The following UNC5C variants were observed in gnomAD, a reference collection of about 807,000 sequenced individuals.
UNC5C encodes netrin receptor UNC5C.
UNC5C carries 47 observed loss-of-function variants against 99.8 expected under a neutral mutation model. The ratio of observed to expected loss-of-function variants is 0.47; its 90% CI spans 0.37 to 0.60. UNC5C has a LOEUF of 0.60. Among genes scored for constraint, UNC5C ranks in the 20% least tolerant of loss-of-function variants. The pLI, the probability that UNC5C is intolerant of heterozygous loss-of-function variation, is 0.00. For synonymous variants in UNC5C, 487 were observed against 452.2 expected (o/e 1.08, Z -0.98); for missense variants, 1,062 against 1,165.9 (o/e 0.91, Z 1.30).
chr4:95,170,931 T>C (rs1736073522), intron 14 of UNC5C, among the ~76,000 whole-genome samples: 1 of 152,366 alleles, frequency 6.6e-6, no homozygotes, highest in African/African-American at 2.4e-5. Context: ...AAACACAGTA[T>C]ATTATTGCCT....
At chr4:95,374,075 A>G (rs972040407) in intron 1 of UNC5C, among the ~76,000 whole-genome samples, 3 of 152,124 alleles carry the variant, frequency 2.0e-5, no homozygotes, top group South Asian at 2.1e-4. Flanking sequence ...TGATGTTAAG[A>G]AAACAGGAAG....
At chr4:95,472,642 C>T (rs1158479139) in intron 1 of UNC5C, among the ~76,000 whole-genome samples, 3 of 152,040 alleles carry the variant, frequency 2.0e-5, no homozygotes, top group Non-Finnish European at 4.4e-5. Context: ...ATAAATTCAC[C>T]TTTCAATCAT....
chr4:95,279,714 C>T (rs1326228573), intron 3 of UNC5C, among the ~76,000 whole-genome samples: 1 of 152,054 alleles, frequency 6.6e-6, no homozygotes, highest in African/African-American at 2.4e-5. Flanking sequence ...TATCCCAGGT[C>T]CCTGATAAAG....
chr4:95,489,898 G>T (rs1040116624), intron 1 of UNC5C, among the ~76,000 whole-genome samples: 1 of 151,726 alleles, frequency 6.6e-6, no homozygotes, highest in African/African-American at 2.4e-5. Flanking sequence ...CAAGTGGAAA[G>T]TTAGGGCTGG....
At chr4:95,325,141 G>T (rs1255196012) in intron 2 of UNC5C, among the ~76,000 whole-genome samples, 1 of 152,160 alleles carries the variant, frequency 6.6e-6, no homozygotes, top group African/African-American at 2.4e-5. Context: ...ATGGGACAAA[G>T]CTAGAAAGTT....
chr4:95,288,142 G>A (rs1741306687), intron 3 of UNC5C, among the ~76,000 whole-genome samples: 1 of 151,136 alleles, frequency 6.6e-6, no homozygotes, highest in Non-Finnish European at 1.5e-5. Flanking sequence ...GAGTGCAGTG[G>A]CGCGACCTCT....
chr4:95,478,044 T>C (rs1387397789), intron 1 of UNC5C, among the ~76,000 whole-genome samples: 3 of 152,012 alleles, frequency 2.0e-5, no homozygotes, highest in African/African-American at 4.8e-5. Context: ...ATGAATATTG[T>C]TATTATCAAT....
intron 2 of UNC5C, among the ~76,000 whole-genome samples, chr4:95,332,701 A>C (rs558158607): frequency 1.5e-3 from 223 of 148,726 alleles, no homozygotes; most frequent in Middle Eastern, 6.9e-3. Flanking sequence ...CAATGGCAAC[A>C]AAAGCCAAAA....
intron 1 of UNC5C, among the ~76,000 whole-genome samples, chr4:95,373,300 C>T (rs1433501227): frequency 2.6e-5 from 4 of 152,172 alleles, no homozygotes; most frequent in African/African-American, 4.8e-5. Context: ...AGCTGACCCT[C>T]TTCTTATTCT....
At chr4:95,317,843 C>A (rs1437493604) in intron 2 of UNC5C, among the ~76,000 whole-genome samples, 1 of 152,144 alleles carries the variant, frequency 6.6e-6, no homozygotes, top group African/African-American at 2.4e-5. Context: ...CCCACCACTC[C>A]TACTCGGTCT....
intron 1 of UNC5C, among the ~76,000 whole-genome samples, chr4:95,343,382 C>T (rs1201532640): frequency 2.0e-5 from 3 of 152,064 alleles, no homozygotes; most frequent in African/African-American, 7.2e-5. Context: ...GCCTAGTAAT[C>T]CAGAGAAGTC....
chr4:95,361,064 T>C (rs922958619), intron 1 of UNC5C, among the ~76,000 whole-genome samples: 8 of 152,186 alleles, frequency 5.3e-5, no homozygotes, highest in Non-Finnish European at 8.8e-5. Context: ...CATATCATTT[T>C]CCCAAAGTTT....
intron 1 of UNC5C, among the ~76,000 whole-genome samples, chr4:95,521,927 C>A (rs73842318): frequency 0.039 from 5,910 of 152,128 alleles, 213 homozygotes; most frequent in African/African-American, 0.1. Flanking sequence ...AGAAAACTGG[C>A]AGTTACAAAT....
intron 1 of UNC5C, among the ~76,000 whole-genome samples, chr4:95,474,229 C>T (rs1199540116): frequency 6.6e-6 from 1 of 152,062 alleles, no homozygotes; most frequent in Non-Finnish European, 1.5e-5. Flanking sequence ...GAGATGGAAT[C>T]AAACCAGGCT....
intron 2 of UNC5C, among the ~76,000 whole-genome samples, chr4:95,324,770 A>G (rs1742827944): frequency 6.6e-6 from 1 of 152,148 alleles, no homozygotes; most frequent in Non-Finnish European, 1.5e-5. Context: ...CTGCCATGTA[A>G]GGACACAGCA....
intron 14 of UNC5C, among the ~76,000 whole-genome samples, chr4:95,181,205 C>CT (rs1736597450): frequency 6.6e-6 from 1 of 152,202 alleles, no homozygotes; most frequent in African/African-American, 2.4e-5. Flanking sequence ...GCAGATGCCT[C>CT]TGACATGACT....
chr4:95,480,637 G>A (rs55665115), intron 1 of UNC5C, among the ~76,000 whole-genome samples: 1 of 151,960 alleles, frequency 6.6e-6, no homozygotes, highest in South Asian at 2.1e-4. Flanking sequence ...GAATCCAGCA[G>A]CACATCAAAA....
chr4:95,192,909 G>C (rs1477898665), intron 12 of UNC5C, among the ~76,000 whole-genome samples: 1 of 152,078 alleles, frequency 6.6e-6, no homozygotes, highest in African/African-American at 2.4e-5. Flanking sequence ...CTCCCTCTCT[G>C]CCTCTCTCTT....
intron 1 of UNC5C, among the ~76,000 whole-genome samples, chr4:95,469,683 T>C (rs10856917): frequency 0.39 from 59,592 of 151,962 alleles, 12,024 homozygotes; most frequent in Non-Finnish European, 0.41. Context: ...AGTCAACTAT[T>C]CCTTGTAATG....
Sources: gnomAD v4.1 joint callset for allele counts (sites outside exome capture counted in the v4.1 genomes callset) on GRCh38, gnomAD v4.1.1 for gene constraint, MANE v1.5 for transcripts, NCBI Gene and HGNC (gene_info 2026-07-23, HGNC 2026-07-21) for gene names.